Variants in CFAP100 observed in about 807,000 individuals in gnomAD.
The protein encoded by CFAP100 is cilia and flagella associated protein 100, also known as cilia- and flagella-associated protein 100.
CFAP100 carries 70 observed loss-of-function variants against 81.5 expected under a neutral mutation model. The ratio of observed to expected loss-of-function variants is 0.86; its 90% CI spans 0.71 to 1.05. The LOEUF is 1.05. CFAP100 is among the 50% of genes least tolerant of loss of function. The pLI, the probability that CFAP100 is intolerant of heterozygous loss-of-function variation, is 0.00. For synonymous variants in CFAP100, 341 were observed against 314.8 expected, an observed-to-expected ratio of 1.08 and a Z score of -0.88; for missense variants, 811 against 776.5, an observed-to-expected ratio of 1.04 and a Z score of -0.53.
At chr3:126,436,247 G>A (rs376318954) in intron 16 of CFAP100, 44 bp from the exon 17 acceptor site, 36 of 1,509,270 alleles carry the variant, frequency 2.4e-5, no homozygotes, top group South Asian at 9.1e-5. Context: ...ATGGGCATAC[G>A]GCTCACTAGG....
chr3:126,413,775 A>G (rs2083192026), intron 3 of CFAP100, among the ~76,000 whole-genome samples: 1 of 152,184 alleles, frequency 6.6e-6, no homozygotes, highest in African/African-American at 2.4e-5. Flanking sequence ...TCCCTTCTCC[A>G]TAAGGGAGAC....
intron 3 of CFAP100, among the ~76,000 whole-genome samples, chr3:126,412,922 C>T (rs911958285): frequency 3.9e-5 from 6 of 152,228 alleles, no homozygotes; most frequent in African/African-American, 1.4e-4. Flanking sequence ...AGAAAGTCCC[C>T]AGTCTGGCCC....
intron 5 of CFAP100, chr3:126,416,731 G>A: frequency 2.3e-6 from 1 of 442,958 alleles, no homozygotes. Flanking sequence ...TAATAGAATA[G>A]TTCCCCACCT....
intron 13 of CFAP100, among the ~76,000 whole-genome samples, chr3:126,430,886 C>A (rs1388195664): frequency 6.6e-6 from 1 of 151,932 alleles, no homozygotes; most frequent in Non-Finnish European, 1.5e-5. Context: ...ATTTTGAATT[C>A]TTTTTCAGGC....
chr3:126,410,702 G>C, intron 3 of CFAP100, among the ~76,000 whole-genome samples: 1 of 152,112 alleles, frequency 6.6e-6, no homozygotes, highest in Middle Eastern at 3.2e-3. Flanking sequence ...CTCCCAGTGA[G>C]GACCCTCATT....
intron 2 of CFAP100, among the ~76,000 whole-genome samples, chr3:126,403,601 T>C (rs921664399): frequency 5.3e-5 from 8 of 152,132 alleles, no homozygotes; most frequent in East Asian, 3.9e-4. Flanking sequence ...CAGGCTGTAG[T>C]TGGACTCCTG....
In CFAP100 at chr3:126,432,213, A is replaced by G. The variant is rs188304642; in HGVS notation, c.1287-856A>G. ...AGAATGGTGTGAACCCGGGAGGCGG[A>G]GCTTGCAGTGAGCCGAGATTGTGAC... On this transcript the variant is annotated intron_variant, in intron 13 of 16. Transcript: ENST00000352312. Among the ~76,000 whole-genome samples, 16 of 138,160 alleles carry G rather than the reference A, an allele frequency of 1.2e-4. 1 individual carries two copies. Among genetic ancestry groups the G allele is most frequent in the African/African-American group, 4.0e-4 (15 of 37,462 alleles). 90.6% of individuals were successfully genotyped at this position (138,160 alleles called of 152,430 possible).
At chr3:126,435,313 A>G (rs60884336) in intron 15 of CFAP100, among the ~76,000 whole-genome samples, 2,762 of 152,220 alleles carry the variant, frequency 0.018, 88 homozygotes, top group African/African-American at 0.061. Flanking sequence ...CCCTTGCAGG[A>G]GGCCAGAGCC....
chr3:126,416,533 A>T (rs1218361815), intron 5 of CFAP100, 25 bp downstream of exon 5: 2 of 1,522,918 alleles, frequency 1.3e-6, no homozygotes, highest in Non-Finnish European at 1.8e-6. Context: ...GCGCGGGGGG[A>T]CCTGGGCCAG....
chr3:126,432,929 T>G, intron 13 of CFAP100, 140 bp from the exon 14 acceptor site: 4 of 773,004 alleles, frequency 5.2e-6, no homozygotes, highest in Non-Finnish European at 7.7e-6. Context: ...CCCCTGGGCA[T>G]GCAGAGACTT....
intron 2 of CFAP100, 81 bp downstream of exon 2, chr3:126,396,130 A>G (rs2107577676): frequency 9.2e-7 from 1 of 1,088,990 alleles, no homozygotes; most frequent in East Asian, 2.4e-5. Flanking sequence ...AGGTTAAGGT[A>G]GCTCTAAACC....
chr3:126,420,695 TGA>T (rs2083317045), intron 11 of CFAP100: 1 of 166,818 alleles, frequency 6.0e-6, no homozygotes, highest in Admixed American at 5.7e-5. Context: ...TGATGGACCC[TGA>T]GAGAGGTGGT....
At chr3:126,424,059 A>AGCT (rs1238860118) in intron 13 of CFAP100, among the ~76,000 whole-genome samples, 1 of 152,264 alleles carries the variant, frequency 6.6e-6, no homozygotes, top group African/African-American at 2.4e-5. Flanking sequence ...AGGGCCTGGA[A>AGCT]GCTGCTGCTG....
At position 126,435,516 on chromosome 3, in the gene CFAP100, T is replaced by C. The variant is rs560252563; in HGVS notation, c.1629-43T>C. 1.2e-5 allele frequency: 19 copies of C among 1,561,060 alleles called. No homozygotes were observed. The South Asian group carries it at 2.1e-4, about 17-fold the overall frequency. ...CTCCGTGTGGAGATTACACAACACCTTCCAGGTCCCCCCAGTTTTCAATGT... is the reference window on the plus strand; with the variant it reads ...CTCCGTGTGGAGATTACACAACACCCTCCAGGTCCCCCCAGTTTTCAATGT... On this transcript the variant is annotated intron_variant, in intron 15 of 16. Transcript: ENST00000352312.
rs1560082338 is a variant in CFAP100 at position 126,433,127 on chromosome 3, AAGG to A, written c.1353_1355del (p.Glu451del). ...CACCACAATGATGATGTCCATCACC[AAGG>A]AGGAGGACACAGCAGCTGAGCTGGA... On this transcript the variant is annotated inframe_deletion, in exon 14 of 17. Transcript: ENST00000352312. 2 of 1,614,154 alleles carry A rather than the reference AAGG, an allele frequency of 1.2e-6. No homozygotes were observed. Among genetic ancestry groups the A allele is most frequent in the Admixed American group, 3.3e-5 (2 of 60,030 alleles).
intron 2 of CFAP100, among the ~76,000 whole-genome samples, chr3:126,405,458 T>A (rs1043968523): frequency 1.3e-5 from 2 of 151,278 alleles, no homozygotes; most frequent in Non-Finnish European, 2.9e-5. Context: ...AGGTCAGGAG[T>A]TCAAGACCAG....
At chr3:126,411,361 G>GTTTTTTT (rs58954079) in intron 3 of CFAP100, among the ~76,000 whole-genome samples, 9 of 35,384 alleles carry the variant, frequency 2.5e-4, no homozygotes, top group East Asian at 1.1e-3. Flanking sequence ...GTTGTTGTTG[G>GTTTTTTT]TTTTTTTTTT....
At chr3:126,410,094 G>C (rs188324035) in intron 3 of CFAP100, among the ~76,000 whole-genome samples, 1 of 152,118 alleles carries the variant, frequency 6.6e-6, no homozygotes, top group South Asian at 2.1e-4. Context: ...CCAGCTACTC[G>C]GGAGGCTGAG....
At chr3:126,432,626 G>A (rs914720421) in intron 13 of CFAP100, among the ~76,000 whole-genome samples, 1 of 150,902 alleles carries the variant, frequency 6.6e-6, no homozygotes. Context: ...TTTTTATGAA[G>A]TGTTCAGGGT....
Sources: gnomAD v4.1 joint callset for allele counts (sites outside exome capture counted in the v4.1 genomes callset) on GRCh38, gnomAD v4.1.1 for gene constraint, MANE v1.5 for transcripts, NCBI Gene and HGNC (gene_info 2026-07-23, HGNC 2026-07-21) for gene names.